The following ST13 variants were observed in gnomAD, a reference collection of about 807,000 sequenced individuals.
The protein encoded by ST13 is hsc70-interacting protein.
In ST13, 23 loss-of-function variants were observed where a neutral mutation model predicts 56.7. That is an observed-to-expected ratio of 0.41 (90% CI 0.29 to 0.57). ST13 has a LOEUF of 0.57. Among genes scored for constraint, ST13 ranks in the 20% least tolerant of loss-of-function variants. The pLI is 0.36. For synonymous variants in ST13, 132 were observed against 142.4 expected (o/e 0.93, Z 0.52); for missense variants, 369 against 459.9 (o/e 0.80, Z 1.81).
intron 2 of ST13, among the ~76,000 whole-genome samples, chr22:40,850,249 C>CTTTG (rs1555886466): frequency 6.6e-6 from 1 of 152,196 alleles, no homozygotes; most frequent in Non-Finnish European, 1.5e-5. Context: ...CACAGTGAGA[C>CTTTG]TTTGTCTCAG....
At chr22:40,855,199 T>A (rs957752109) in intron 1 of ST13, among the ~76,000 whole-genome samples, 1 of 152,212 alleles carries the variant, frequency 6.6e-6, no homozygotes, top group Admixed American at 6.5e-5. Flanking sequence ...CTCACGCCTG[T>A]AATACCACCA....
chr22:40,848,894 A>G (rs762572531), intron 2 of ST13, among the ~76,000 whole-genome samples: 1 of 152,228 alleles, frequency 6.6e-6, no homozygotes, highest in Non-Finnish European at 1.5e-5. Context: ...GGAACTGCAA[A>G]TAAGAACCTG....
chr22:40,828,439 C>A (rs1178752582), intron 10 of ST13, among the ~76,000 whole-genome samples: 2 of 120,540 alleles, frequency 1.7e-5, no homozygotes, highest in Non-Finnish European at 3.3e-5. Context: ...CCCGTCTCTA[C>A]TAAAAATACA....
rs111240213 is a variant in ST13 at position 40,856,636 on chromosome 22, C to A, written c.-96G>T. On this transcript the variant is annotated 5_prime_UTR_variant, in exon 1 of 12. Transcript: ENST00000216218. ...ACCGCGCAGAAGGGGGCGGCTGCCGCAAGACAGAACAGACTAGAACCTCCC... is the reference window on the plus strand; with the variant it reads ...ACCGCGCAGAAGGGGGCGGCTGCCGAAAGACAGAACAGACTAGAACCTCCC... 1.5e-5 allele frequency: 14 copies of A among 941,306 alleles called. No homozygotes were observed. The East Asian group carries it at 3.2e-4, about 22-fold the overall frequency. 58.3% of individuals were successfully genotyped at this position (941,306 alleles called of 1,614,324 possible).
chr22:40,843,284 C>T lies in ST13; in HGVS notation c.315+1555G>A, dbSNP rs531304757. ...TGATTTAGATTTAACACAATTCTAA[C>T]AAAGGGGAAAAAAACCAATGGAAGC... is the stretch of plus-strand genomic sequence containing the variant. On this transcript the variant is annotated intron_variant, in intron 4 of 11. Coordinates refer to ENST00000216218, the MANE Select transcript of ST13 (RefSeq NM_003932.5). Among the ~76,000 whole-genome samples the T allele has an allele frequency of 3.9e-5, 6 of 152,082 alleles. No homozygotes were observed. The South Asian group carries it at 1.2e-3, about 32-fold the overall frequency.
At chr22:40,836,319 C>G (rs559407470) in intron 5 of ST13, among the ~76,000 whole-genome samples, 2 of 152,156 alleles carry the variant, frequency 1.3e-5, no homozygotes, top group Non-Finnish European at 2.9e-5. Context: ...GGCGTGGGGG[C>G]GGAGCCCTGT....
intron 2 of ST13, among the ~76,000 whole-genome samples, chr22:40,849,390 A>G (rs2057849379): frequency 6.7e-6 from 1 of 149,862 alleles, no homozygotes; most frequent in Non-Finnish European, 1.5e-5. Context: ...AGGCAGGAGA[A>G]GGGCGTGAAC....
Position 40,832,609 on chromosome 22 carries a change from T to C in ST13, c.641A>G (p.Asp214Gly). Residue 214 changes from aspartate to glycine, a missense_variant, in exon 8 of 12, where the codon GAT becomes GGT. Asp to Gly is a moderately conservative substitution (Grantham distance 94). Around this residue, in one of 3 missense-constraint regions of ST13, gnomAD observed 64 missense variants for 125.1 expected, o/e 0.51. Transcript: ENST00000216218. The stretch of plus-strand genomic sequence containing the variant: ...TTTCAGCATTGCACTAGCATCTTCA[T>C]CATAATCCAATTTACAGGCAAGGGC... ...DLALACKLDYDEDASAMLKEV... is the reference protein window; with the variant it reads ...DLALACKLDYGEDASAMLKEV... The C allele has an allele frequency of 6.2e-7, 1 of 1,607,120 alleles. No homozygotes were observed. Among genetic ancestry groups the C allele is most frequent in the Non-Finnish European group, 8.5e-7 (1 of 1,179,772 alleles).
Position 40,829,649 on chromosome 22 carries a change from CCTGA to C in ST13, c.820_823del (p.Ser274GlufsTer81). The stretch of plus-strand genomic sequence containing the variant: ...ACCTGGAAAAGAGCCATACTGAGCT[CCTGA>C]CTGTCGTCTGGCTTCTTCCTCCTTT... On this transcript the variant is annotated frameshift_variant, in exon 10 of 12. Transcript: ENST00000216218. LOFTEE classifies it high-confidence loss of function. 1 of 1,492,898 alleles carries C rather than the reference CCTGA, an allele frequency of 6.7e-7. No homozygotes were observed. The highest frequency in any genetic ancestry group is 9.0e-7 in the Non-Finnish European group (1 of 1,106,546). 92.5% of individuals were successfully genotyped at this position (1,492,898 alleles called of 1,614,324 possible). A position where few individuals can be genotyped will look rare whatever the true frequency, so the allele number is the denominator to read the frequency against.
intron 1 of ST13, among the ~76,000 whole-genome samples, chr22:40,853,895 T>C (rs904104902): frequency 3.3e-5 from 5 of 152,176 alleles, no homozygotes; most frequent in Non-Finnish European, 7.3e-5. Flanking sequence ...AGAATGCTTC[T>C]GTCTCTAAAA....
In ST13 at chr22:40,830,924, A is replaced by T; in HGVS notation, c.714T>A (p.Tyr238Ter). ...TCTCTCGCTCTTCACGTTTTCGCTC[A>T]TACTTTCTCCGATGTTCTGCAATTT... is the stretch of plus-strand genomic sequence containing the variant. ...AQKIAEHRRK[Y>*]ERKREEREIK... is the part of the protein sequence containing the mutation. The change falls in exon 9 of 12, where the codon TAT becomes TAA. Residue 238 changes from tyrosine (Y) to a stop codon, truncating the protein, a stop_gained. Transcript: ENST00000216218. LOFTEE classifies it high-confidence loss of function. 6.2e-7 allele frequency: 1 copy of T among 1,602,664 alleles called. No homozygotes were observed. Among genetic ancestry groups the T allele is most frequent in the Non-Finnish European group, 8.5e-7 (1 of 1,179,468 alleles).
At chr22:40,832,870 T>A (rs2057760358) in intron 7 of ST13, among the ~76,000 whole-genome samples, 199 bp from the exon 8 acceptor site, 1 of 152,256 alleles carries the variant, frequency 6.6e-6, no homozygotes. Context: ...TTAAATTTCC[T>A]CTATTTAAAG....
At chr22:40,828,010 T>A (rs1464068115) in intron 10 of ST13, among the ~76,000 whole-genome samples, 1 of 152,242 alleles carries the variant, frequency 6.6e-6, no homozygotes, top group Non-Finnish European at 1.5e-5. Context: ...TTTAGGTTTT[T>A]GTTTCAACTA....
At chr22:40,850,018 C>T (rs965862788) in intron 2 of ST13, among the ~76,000 whole-genome samples, 4 of 151,782 alleles carry the variant, frequency 2.6e-5, no homozygotes, top group Non-Finnish European at 5.9e-5. Context: ...AGTCCCAGCA[C>T]CTTGGGAGGC....
intron 2 of ST13, among the ~76,000 whole-genome samples, chr22:40,850,011 C>T (rs900557904): frequency 6.6e-6 from 1 of 151,602 alleles, no homozygotes; most frequent in Non-Finnish European, 1.5e-5. Context: ...ACGCCTTAGT[C>T]CCAGCACCTT....
chr22:40,835,950 G>T, intron 5 of ST13, 63 bp from the exon 6 acceptor site: 1 of 1,278,640 alleles, frequency 7.8e-7, no homozygotes, highest in Non-Finnish European at 1.1e-6. Context: ...AAAAAGTTTT[G>T]ATCTGTTATC....
At position 40,856,567 on chromosome 22, in the gene ST13, G is replaced by T. The variant is rs764248032; in HGVS notation, c.-27C>A. The T allele has an allele frequency of 4.4e-6, 7 of 1,590,098 alleles. No homozygotes were observed. Among genetic ancestry groups the T allele is most frequent in the Non-Finnish European group, 6.0e-6 (7 of 1,160,582 alleles). ...GTAGGGAGGTGGTGGGCGAAACTGG[G>T]GGGGCTACGGCCCGGTTCCAGGCCC... On this transcript the variant is annotated 5_prime_UTR_variant, in exon 1 of 12. Coordinates refer to ENST00000216218, the MANE Select transcript of ST13 (RefSeq NM_003932.5).
intron 5 of ST13, among the ~76,000 whole-genome samples, chr22:40,840,310 G>A (rs991997535): frequency 8.0e-5 from 12 of 150,688 alleles, no homozygotes; most frequent in Non-Finnish European, 1.6e-4. Context: ...TATGTAAAAA[G>A]TTAAGGGTCA....
At chr22:40,843,098 TG>T (rs1419365375) in intron 4 of ST13, among the ~76,000 whole-genome samples, 2 of 152,082 alleles carry the variant, frequency 1.3e-5, no homozygotes, top group African/African-American at 4.8e-5. Flanking sequence ...CCAGCCTGGA[TG>T]GAAGAGTGAG....
Sources: allele counts gnomAD v4.1 joint callset (sites outside exome capture counted in the v4.1 genomes callset), GRCh38; gene constraint gnomAD v4.1.1; regional missense constraint gnomAD v4.1.1; transcripts MANE v1.5; gene names NCBI Gene and HGNC (gene_info 2026-07-23, HGNC 2026-07-21).